The following ZMYM2 variants were observed in gnomAD, a reference collection of about 807,000 sequenced individuals.
ZMYM2 encodes the protein zinc finger MYM-type protein 2.
In ZMYM2, 56 loss-of-function variants were observed where a neutral mutation model predicts 162.8. The ratio of observed to expected loss-of-function variants is 0.34; its 90% CI spans 0.28 to 0.43. ZMYM2 has a LOEUF of 0.43. ZMYM2 is among the 20% of genes least tolerant of loss of function. ZMYM2 has a pLI of 1.00. For synonymous variants in ZMYM2, 510 were observed against 541.6 expected (o/e 0.94, Z 0.81); for missense variants, 1,275 against 1,621.8 (o/e 0.79, Z 3.67).
At chr13:19,967,264 C>CGT (rs1955873010) in intron 2 of ZMYM2, among the ~76,000 whole-genome samples, 1 of 151,838 alleles carries the variant, frequency 6.6e-6, no homozygotes, top group Non-Finnish European at 1.5e-5. Flanking sequence ...ACAGTAAACT[C>CGT]GTGAATTTGG....
Position 19,993,848 on chromosome 13 carries a change from T to C in ZMYM2, c.776T>C (p.Phe259Ser). The C allele has an allele frequency of 1.9e-6, 3 of 1,614,036 alleles. No individual in the cohort carries two copies. The highest frequency in any genetic ancestry group is 1.3e-5 in the African/African-American group (1 of 75,058). The change falls in exon 3 of 25, where the codon TTT (phenylalanine) becomes TCT (serine). Residue 259 changes from phenylalanine to serine, a missense_variant. Transcript: ENST00000610343. ...TSQTKTGVGPFNPGRMNVAGD... is the reference protein window; with the variant it reads ...TSQTKTGVGPSNPGRMNVAGD... ...CAGACCAAGACTGGAGTAGGACCTT[T>C]TAATCCTGGTAGAATGAATGTGGCA...
At chr13:19,890,376 C>T in the ZMYM2 span, among the ~76,000 whole-genome samples, 1 of 151,076 alleles carries the variant, frequency 6.6e-6, no homozygotes, top group Non-Finnish European at 1.5e-5. Flanking sequence ...CTTTTTTGCC[C>T]AGGCTGGTCT....
In ZMYM2 at chr13:20,064,536, TAA is replaced by T; in HGVS notation, c.3130_3131del (p.Lys1044GlyfsTer14). ...EYEEQPRPRS[K>X]KKGAKRKAVS... The stretch of plus-strand genomic sequence containing the variant: ...ATGAGGAACAGCCCAGACCTCGATC[TAA>T]AAAAAAGGTACATTCACTTAATAGC... On this transcript the variant is annotated frameshift_variant, in exon 19 of 25. Coordinates refer to ENST00000610343, the MANE Select transcript of ZMYM2 (RefSeq NM_197968.4). LOFTEE classifies it high-confidence loss of function. 6.4e-7 allele frequency: 1 copy of T among 1,572,966 alleles called. No homozygotes were observed. The highest frequency in any genetic ancestry group is 1.8e-5 in the Admixed American group (1 of 54,664).
In ZMYM2 at chr13:20,073,335, A is replaced by G. The variant is rs189998590; in HGVS notation, c.3453+5945A>G. 3.3e-5 allele frequency among the ~76,000 whole-genome samples: 5 copies of G among 152,352 alleles called. No individual in the cohort carries two copies. In the East Asian group the frequency reaches 9.6e-4, roughly 29 times the overall value. ...TAGACTGTAATATAGCTACTTATAT[A>G]TAACTGCTTTAAGTTGTAACCATTT... On this transcript the variant is annotated intron_variant, in intron 21 of 24. Transcript: ENST00000610343.
the ZMYM2 span, among the ~76,000 whole-genome samples, chr13:19,876,128 G>A: frequency 2.6e-5 from 4 of 151,496 alleles, no homozygotes; most frequent in South Asian, 4.2e-4. Flanking sequence ...CCGGGTTCAC[G>A]CCATTCTCCT....
intron 5 of ZMYM2, among the ~76,000 whole-genome samples, chr13:20,005,540 T>C (rs1290534689): frequency 6.6e-6 from 1 of 152,144 alleles, no homozygotes; most frequent in Non-Finnish European, 1.5e-5. Flanking sequence ...TTGATTTTTG[T>C]CTAGTAATAT....
rs892370216 is a variant in ZMYM2 at position 20,088,009 on chromosome 13, T to C, written c.*1995T>C. The C allele has an allele frequency of 1.5e-5, 3 of 195,304 alleles. No homozygotes were observed. The highest frequency in any genetic ancestry group is 6.1e-5 in the Admixed American group (1 of 16,444). The allele number at this position is 195,304 out of a possible 1,614,324, so 12.1% of individuals were successfully genotyped here. ...TAAAGTTTTTCCCAGGTGTCACTTA[T>C]TGTATATGTTACCAAATACCATGAA... is the stretch of plus-strand genomic sequence containing the variant. On this transcript the variant is annotated 3_prime_UTR_variant, in exon 25 of 25. Transcript: ENST00000610343.
intron 2 of ZMYM2, among the ~76,000 whole-genome samples, chr13:19,979,846 A>T (rs1400421412): frequency 6.6e-6 from 1 of 152,162 alleles, no homozygotes; most frequent in Non-Finnish European, 1.5e-5. Context: ...TTTTAGGTGT[A>T]CAGTCAGGTT....
chr13:19,987,135 A>G (rs1949220340), intron 2 of ZMYM2, among the ~76,000 whole-genome samples: 1 of 148,810 alleles, frequency 6.7e-6, no homozygotes, highest in Non-Finnish European at 1.5e-5. Flanking sequence ...AAAAAAAAAA[A>G]AAAAATTTCA....
At chr13:20,078,939 GT>G (rs1295058144) in intron 21 of ZMYM2, among the ~76,000 whole-genome samples, 1 of 151,640 alleles carries the variant, frequency 6.6e-6, no homozygotes, top group Non-Finnish European at 1.5e-5. Flanking sequence ...GGGAACTCTA[GT>G]TTTCTCATGT....
chr13:20,041,321 C>A (rs561925659), intron 12 of ZMYM2, among the ~76,000 whole-genome samples: 1 of 152,256 alleles, frequency 6.6e-6, no homozygotes, highest in East Asian at 1.9e-4. Context: ...TAATGACCTT[C>A]TTTGTCTTTT....
chr13:19,923,599 T>G, the ZMYM2 span, among the ~76,000 whole-genome samples: 1 of 149,832 alleles, frequency 6.7e-6, no homozygotes, highest in Admixed American at 6.7e-5. Context: ...GCTTAAGCGA[T>G]CCTTACACCC....
intron 2 of ZMYM2, among the ~76,000 whole-genome samples, chr13:19,971,163 A>G (rs1480384426): frequency 6.6e-6 from 1 of 150,880 alleles, no homozygotes; most frequent in Non-Finnish European, 1.5e-5. Flanking sequence ...GCTTTCTCCT[A>G]AGTATACTGA....
chr13:20,014,070 T>TTTTG (rs774413039), intron 6 of ZMYM2, among the ~76,000 whole-genome samples: 17 of 152,060 alleles, frequency 1.1e-4, no homozygotes, highest in Middle Eastern at 6.8e-3. Flanking sequence ...TTTTGGGACT[T>TTTTG]TTTGTTTGTT....
the ZMYM2 span, among the ~76,000 whole-genome samples, chr13:19,903,611 T>C: frequency 6.6e-6 from 1 of 151,846 alleles, no homozygotes; most frequent in East Asian, 1.9e-4. Flanking sequence ...CTCATACCTA[T>C]AATCCTAGCA....
chr13:20,004,335 A>G (rs1950592679), intron 4 of ZMYM2, among the ~76,000 whole-genome samples: 1 of 152,006 alleles, frequency 6.6e-6, no homozygotes, highest in Non-Finnish European at 1.5e-5. Flanking sequence ...CGCTCACTGC[A>G]AGCTCCGTCT....
chr13:20,048,914 C>A (rs1955063520), intron 12 of ZMYM2, among the ~76,000 whole-genome samples: 1 of 151,432 alleles, frequency 6.6e-6, no homozygotes, highest in Non-Finnish European at 1.5e-5. Context: ...GACTTGTGTC[C>A]CATTTATTTC....
the ZMYM2 span, among the ~76,000 whole-genome samples, chr13:19,952,554 C>T: frequency 6.6e-6 from 1 of 152,064 alleles, no homozygotes; most frequent in Non-Finnish European, 1.5e-5. Flanking sequence ...AAAAGAGAAA[C>T]ATGATGGGAC....
the ZMYM2 span, among the ~76,000 whole-genome samples, chr13:19,911,341 G>A: frequency 6.6e-6 from 1 of 152,110 alleles, no homozygotes. Context: ...TTACAGGTGT[G>A]AGCCACCATC....
Sources: gnomAD v4.1 joint callset for allele counts (sites outside exome capture counted in the v4.1 genomes callset) on GRCh38, gnomAD v4.1.1 for gene constraint, MANE v1.5 for transcripts, NCBI Gene and HGNC (gene_info 2026-07-23, HGNC 2026-07-21) for gene names.